PTPRA: variants seen among roughly 807,000 people sequenced by gnomAD.
PTPRA encodes the protein protein tyrosine phosphatase receptor type A.
A neutral mutation model predicts 104.8 loss-of-function variants in PTPRA; 25 were observed. That is an observed-to-expected ratio of 0.24 (90% CI 0.17 to 0.33). The LOEUF (loss-of-function observed/expected upper bound fraction) is 0.33, where lower values mean the gene tolerates loss of function less well. PTPRA is among the 10% of genes least tolerant of loss of function. The pLI is 1.00. For missense variants in PTPRA, 765 were observed against 1,015.3 expected, an observed-to-expected ratio of 0.75 and a Z score of 3.35; for synonymous variants, 323 against 368.9, an observed-to-expected ratio of 0.88 and a Z score of 1.43.
intron 1 of PTPRA, among the ~76,000 whole-genome samples, chr20:2,894,267 T>C (rs921093257): frequency 1.3e-5 from 2 of 152,226 alleles, no homozygotes; most frequent in South Asian, 4.1e-4. Context: ...TATAATGCCC[T>C]CAAAACTCAG....
intron 6 of PTPRA, among the ~76,000 whole-genome samples, chr20:2,985,711 G>GA (rs2062870989): frequency 6.6e-6 from 1 of 152,020 alleles, no homozygotes; most frequent in African/African-American, 2.4e-5. Flanking sequence ...GTGGAAAGAG[G>GA]AAAAAAGAAG....
chr20:2,870,732 C>T (rs1440120465), upstream of PTPRA, among the ~76,000 whole-genome samples: 1 of 152,236 alleles, frequency 6.6e-6, no homozygotes, highest in Non-Finnish European at 1.5e-5. Flanking sequence ...CTCCAGCTCT[C>T]CTGATCCTCT....
intron 2 of PTPRA, among the ~76,000 whole-genome samples, chr20:2,934,318 G>A (rs1042034304): frequency 9.2e-5 from 14 of 151,968 alleles, no homozygotes; most frequent in Admixed American, 7.9e-4. Flanking sequence ...TGCTGAGCCT[G>A]GTCTTGAACT....
At chr20:2,918,876 A>G (rs1244368751) in intron 1 of PTPRA, among the ~76,000 whole-genome samples, 1 of 152,168 alleles carries the variant, frequency 6.6e-6, no homozygotes, top group Non-Finnish European at 1.5e-5. Flanking sequence ...GTTTGTGGAC[A>G]AGTTATTTAT....
At chr20:2,894,856 G>A (rs980060285) in intron 1 of PTPRA, among the ~76,000 whole-genome samples, 7 of 151,550 alleles carry the variant, frequency 4.6e-5, no homozygotes, top group Admixed American at 1.3e-4. Flanking sequence ...GCGTGGTGAC[G>A]GGCGCCTGTA....
At chr20:2,970,588 T>G (rs1477514087) in intron 5 of PTPRA, among the ~76,000 whole-genome samples, 1 of 152,244 alleles carries the variant, frequency 6.6e-6, no homozygotes, top group East Asian at 1.9e-4. Flanking sequence ...CTTTGTACGT[T>G]TGGGAAATGA....
intron 1 of PTPRA, among the ~76,000 whole-genome samples, chr20:2,882,996 T>G (rs1172227037): frequency 4.0e-5 from 6 of 149,454 alleles, no homozygotes; most frequent in Non-Finnish European, 8.9e-5. Flanking sequence ...TTTTTTTTTT[T>G]TTGAGACAGG....
At chr20:2,919,376 A>G (rs1361508757) in intron 1 of PTPRA, among the ~76,000 whole-genome samples, 2 of 152,204 alleles carry the variant, frequency 1.3e-5, no homozygotes, top group African/African-American at 4.8e-5. Flanking sequence ...ATGCCTTAGA[A>G]TAAAGAAAGA....
intron 2 of PTPRA, among the ~76,000 whole-genome samples, chr20:2,941,075 G>A (rs113490522): frequency 0.036 from 5,517 of 151,888 alleles, 334 homozygotes; most frequent in African/African-American, 0.12. Flanking sequence ...CTGTCACCCA[G>A]GCTGGAGTTC....
intron 7 of PTPRA, 50 bp from the exon 8 acceptor site, chr20:2,987,982 C>A (rs2062979184): frequency 6.9e-7 from 1 of 1,458,264 alleles, no homozygotes; most frequent in Non-Finnish European, 9.6e-7. Context: ...GTGTGATTTG[C>A]CTCTCCCACC....
At chr20:2,926,690 G>A (rs1296377688) in intron 2 of PTPRA, among the ~76,000 whole-genome samples, 3 of 149,732 alleles carry the variant, frequency 2.0e-5, no homozygotes, top group Non-Finnish European at 4.4e-5. Flanking sequence ...TCTAACTTTC[G>A]GAAGTACTCT....
At chr20:2,985,004 T>G (rs1413600853) in intron 6 of PTPRA, among the ~76,000 whole-genome samples, 1 of 152,226 alleles carries the variant, frequency 6.6e-6, no homozygotes, top group East Asian at 1.9e-4. Context: ...TTGACTTGTT[T>G]ATAAACAGTG....
intron 6 of PTPRA, among the ~76,000 whole-genome samples, chr20:2,982,531 T>C (rs1218423078): frequency 6.6e-6 from 1 of 152,078 alleles, no homozygotes; most frequent in Non-Finnish European, 1.5e-5. Context: ...AGGTGTACAG[T>C]GAGAATGAAG....
At chr20:2,975,117 C>A in intron 5 of PTPRA, 98 bp from the exon 6 acceptor site, 1 of 1,079,222 alleles carries the variant, frequency 9.3e-7, no homozygotes, top group Non-Finnish European at 1.3e-6. Context: ...TGGAGGAAAG[C>A]ATTCCTAATC....
chr20:3,018,055 C>A, intron 13 of PTPRA, 142 bp downstream of exon 13: 1 of 716,142 alleles, frequency 1.4e-6, no homozygotes, highest in Non-Finnish European at 2.3e-6. Flanking sequence ...TCAGACTTTG[C>A]TATGGCCTGG....
At chr20:2,945,876 C>A (rs971409543) in intron 2 of PTPRA, among the ~76,000 whole-genome samples, 1 of 151,800 alleles carries the variant, frequency 6.6e-6, no homozygotes, top group African/African-American at 2.4e-5. Flanking sequence ...TTGCAGTGAG[C>A]TGAGATTGTG....
rs557828678 is a variant in PTPRA, at chr20:2,888,101, A to G, written c.-129+14341A>G. 5.3e-4 allele frequency among the ~76,000 whole-genome samples: 81 copies of G among 152,332 alleles called. 1 individual carries two copies. The South Asian group carries it at 0.017, about 31-fold the overall frequency. ...GAAATAGAAGAAGCTCAGGGAGACT[A>G]TACCTGGGCTAGGTTCTTGCTACCA... is the stretch of plus-strand genomic sequence containing the variant. On this transcript the variant is annotated intron_variant, in intron 1 of 23. Transcript: ENST00000399903.
chr20:3,012,286 A>G (rs1016295593), intron 11 of PTPRA, among the ~76,000 whole-genome samples: 6 of 152,324 alleles, frequency 3.9e-5, no homozygotes, highest in East Asian at 1.9e-4. Flanking sequence ...GGAGGGGCCA[A>G]TTGGGGGCTA....
chr20:2,956,148 T>C (rs2061527499), intron 3 of PTPRA, among the ~76,000 whole-genome samples: 1 of 152,214 alleles, frequency 6.6e-6, no homozygotes, highest in Admixed American at 6.5e-5. Context: ...GTTTATTGGC[T>C]AGATTACTTC....
Sources: allele counts gnomAD v4.1 joint callset (sites outside exome capture counted in the v4.1 genomes callset), GRCh38; gene constraint gnomAD v4.1.1; transcripts MANE v1.5; gene names NCBI Gene and HGNC (gene_info 2026-07-23, HGNC 2026-07-21).